The following SAMTOR variants were observed in gnomAD, a reference collection of about 807,000 sequenced individuals.
SAMTOR encodes the protein UPF0532 protein C7orf60.
the SAMTOR span, among the ~76,000 whole-genome samples, chr7:112,897,048 A>C: frequency 6.6e-6 from 1 of 152,162 alleles, no homozygotes; most frequent in Admixed American, 6.5e-5. Context: ...ATAAAGAGGA[A>C]GGAGAGCCAA....
the SAMTOR span, among the ~76,000 whole-genome samples, chr7:112,827,963 C>CA: frequency 6.6e-6 from 1 of 152,164 alleles, no homozygotes; most frequent in East Asian, 1.9e-4. Flanking sequence ...AGTCCTTCTG[C>CA]ATTGGCCTCC....
chr7:112,840,224 T>G, the SAMTOR span, among the ~76,000 whole-genome samples: 2 of 151,904 alleles, frequency 1.3e-5, no homozygotes, highest in Admixed American at 6.6e-5. Flanking sequence ...TTTTCCTTTT[T>G]AAATCTTAGT....
the SAMTOR span, among the ~76,000 whole-genome samples, chr7:112,881,235 G>A: frequency 6.6e-5 from 10 of 152,196 alleles, no homozygotes; most frequent in African/African-American, 2.4e-4. Flanking sequence ...GCACTGACGA[G>A]CATAGGAGGG....
chr7:112,935,886 T>C, the SAMTOR span, among the ~76,000 whole-genome samples: 7 of 151,924 alleles, frequency 4.6e-5, no homozygotes, highest in Non-Finnish European at 1.0e-4. Flanking sequence ...AATACGATTA[T>C]GGAAAAAAAA....
the SAMTOR span, among the ~76,000 whole-genome samples, chr7:112,937,180 G>C: frequency 6.6e-6 from 1 of 152,162 alleles, no homozygotes; most frequent in Non-Finnish European, 1.5e-5. Context: ...GAGGCACCCA[G>C]TTGAATCTGC....
At chr7:112,925,023 C>T in the SAMTOR span, among the ~76,000 whole-genome samples, 1 of 152,132 alleles carries the variant, frequency 6.6e-6, no homozygotes, top group African/African-American at 2.4e-5. Flanking sequence ...TACCGAAGTT[C>T]ATTTAAGACA....
chr7:112,851,310 TATA>T, the SAMTOR span, among the ~76,000 whole-genome samples: 1 of 152,134 alleles, frequency 6.6e-6, no homozygotes, highest in African/African-American at 2.4e-5. Flanking sequence ...ACCACAAGGC[TATA>T]ATAACAAAAA....
At chr7:112,856,543 G>C in the SAMTOR span, among the ~76,000 whole-genome samples, 4 of 152,036 alleles carry the variant, frequency 2.6e-5, no homozygotes, top group African/African-American at 9.7e-5. Flanking sequence ...CTTCTTTGAG[G>C]ATGTAAAGAA....
chr7:112,883,249 G>T, the SAMTOR span, among the ~76,000 whole-genome samples: 5 of 152,060 alleles, frequency 3.3e-5, no homozygotes, highest in Non-Finnish European at 5.9e-5. Context: ...CAAGTAGATT[G>T]TTATAAAAAC....
At chr7:112,841,619 A>T in the SAMTOR span, among the ~76,000 whole-genome samples, 1 of 152,156 alleles carries the variant, frequency 6.6e-6, no homozygotes, top group Non-Finnish European at 1.5e-5. Context: ...CGTATAGCCA[A>T]GACAATCCTA....
chr7:112,839,444 G>A, the SAMTOR span, among the ~76,000 whole-genome samples: 7 of 151,912 alleles, frequency 4.6e-5, no homozygotes, highest in East Asian at 9.7e-4. Context: ...ACTTCACTTG[G>A]TGTTTATGTA....
the SAMTOR span, among the ~76,000 whole-genome samples, chr7:112,918,333 T>C: frequency 6.6e-6 from 1 of 152,318 alleles, no homozygotes; most frequent in Non-Finnish European, 1.5e-5. Flanking sequence ...CAGAATTTCA[T>C]ATGCAGCCAA....
the SAMTOR span, among the ~76,000 whole-genome samples, chr7:112,900,744 T>C: frequency 6.6e-6 from 1 of 151,868 alleles, no homozygotes; most frequent in African/African-American, 2.4e-5. Flanking sequence ...AAAAATATGG[T>C]CAACAGATCT....
chr7:112,872,210 C>G, the SAMTOR span, among the ~76,000 whole-genome samples: 4 of 152,052 alleles, frequency 2.6e-5, no homozygotes, highest in African/African-American at 9.7e-5. Context: ...ACTTGATGAA[C>G]ATGGATGAAA....
chr7:112,867,906 G>A, the SAMTOR span, among the ~76,000 whole-genome samples: 1 of 152,226 alleles, frequency 6.6e-6, no homozygotes, highest in African/African-American at 2.4e-5. Flanking sequence ...TGAGCGGCCA[G>A]TAAGCATTAC....
the SAMTOR span, among the ~76,000 whole-genome samples, chr7:112,867,450 C>T: frequency 2.0e-5 from 3 of 152,268 alleles, no homozygotes; most frequent in East Asian, 3.9e-4. Context: ...CTTCTTATAA[C>T]TGTCCAACTT....
chr7:112,824,270 A>C, the SAMTOR span, among the ~76,000 whole-genome samples: 1 of 152,158 alleles, frequency 6.6e-6, no homozygotes, highest in Non-Finnish European at 1.5e-5. Flanking sequence ...GGTCATAAAG[A>C]CTTTTTTTCA....
At chr7:112,913,246 A>G in the SAMTOR span, among the ~76,000 whole-genome samples, 1 of 152,174 alleles carries the variant, frequency 6.6e-6, no homozygotes, top group Non-Finnish European at 1.5e-5. Context: ...TTGACTCCAC[A>G]ATCCACTGAT....
At chr7:112,921,274 C>G in the SAMTOR span, among the ~76,000 whole-genome samples, 19 of 152,130 alleles carry the variant, frequency 1.2e-4, no homozygotes, top group African/African-American at 4.3e-4. Context: ...ACAGAACAGA[C>G]GCCTCAGAAA....
Sources: allele counts gnomAD v4.1 joint callset (sites outside exome capture counted in the v4.1 genomes callset), GRCh38; gene constraint gnomAD v4.1.1; transcripts MANE v1.5; gene names NCBI Gene and HGNC (gene_info 2026-07-23, HGNC 2026-07-21).